The following PPIE variants were observed in gnomAD, a reference collection of about 807,000 sequenced individuals.
PPIE encodes the protein peptidyl-prolyl cis-trans isomerase E.
Under a neutral mutation model 38.4 loss-of-function variants are expected in PPIE, and 20 were observed. That is an observed-to-expected ratio of 0.52 (90% CI 0.37 to 0.76). The LOEUF (loss-of-function observed/expected upper bound fraction) is 0.76. PPIE is among the 30% of genes least tolerant of loss of function. PPIE has a pLI of 0.00. For missense variants in PPIE, 322 were observed against 385.8 expected (o/e 0.83, Z 1.39); for synonymous variants, 142 against 135.7 (o/e 1.05, Z -0.32).
rs1017068985 is a variant in PPIE at position 39,756,455 on chromosome 1, G to C, written c.*3100G>C. 2.0e-6 allele frequency: 2 copies of C among 985,338 alleles called. No homozygotes were observed. Among genetic ancestry groups the C allele is most frequent in the African/African-American group, 1.7e-5 (1 of 57,254 alleles). The allele number at this position is 985,338 out of a possible 1,614,324, so 61.0% of individuals were successfully genotyped here. On this transcript the variant is annotated 3_prime_UTR_variant, in exon 10 of 10. Transcript: ENST00000324379. ...GCTGAAACCAGGGATGGCAGGCCCA[G>C]GATCAGTGCTGTGGCTGTTGGAGTG...
chr1:39,744,906 G>C (rs1238645128), intron 6 of PPIE, among the ~76,000 whole-genome samples: 1 of 152,162 alleles, frequency 6.6e-6, no homozygotes, highest in Non-Finnish European at 1.5e-5. Flanking sequence ...TGAGCAAGAG[G>C]GCTGCCCCCT....
At chr1:39,757,067 A>G (rs1013012863), downstream of PPIE, 3 of 152,246 alleles carry the variant, frequency 2.0e-5, no homozygotes, top group African/African-American at 7.2e-5. Context: ...CGCTGCCACA[A>G]GTGACACTTG....
chr1:39,748,873 C>T, intron 7 of PPIE, 30 bp from the exon 8 acceptor site: 1 of 1,597,012 alleles, frequency 6.3e-7, no homozygotes, highest in Non-Finnish European at 8.5e-7. Flanking sequence ...TATTTTTTAA[C>T]CCCAGCGCTT....
At chr1:39,753,095 G>A in intron 9 of PPIE, 43 bp downstream of exon 9, 4 of 1,612,312 alleles carry the variant, frequency 2.5e-6, no homozygotes, top group Non-Finnish European at 3.4e-6. Flanking sequence ...CAGGCCCTAG[G>A]AGCACAGCCC....
downstream of PPIE, among the ~76,000 whole-genome samples, chr1:39,760,867 G>T (rs556881212): frequency 9.2e-5 from 14 of 152,266 alleles, no homozygotes; most frequent in South Asian, 2.7e-3. Flanking sequence ...TCCTCCTGGG[G>T]ATAATGGGAA....
At position 39,756,127 on chromosome 1, in the gene PPIE, C is replaced by G. The variant is rs984283366; in HGVS notation, c.*2772C>G. The G allele has an allele frequency of 3.0e-6, 3 of 985,338 alleles. No homozygotes were observed. In the African/African-American group the frequency reaches 5.2e-5, roughly 17 times the overall value. The allele number at this position is 985,338 out of a possible 1,614,324, so 61.0% of individuals were successfully genotyped here. Reference sequence around the variant, plus strand: ...AGTGGCATGCCCCACAGCCTGGCCACCTGCTTCGGCTACGCACCATGCAGC... The same window carrying G: ...AGTGGCATGCCCCACAGCCTGGCCAGCTGCTTCGGCTACGCACCATGCAGC... On this transcript the variant is annotated 3_prime_UTR_variant, in exon 10 of 10. Coordinates refer to ENST00000324379, the MANE Select transcript of PPIE (RefSeq NM_006112.4).
rs371868596 is a variant in PPIE, at chr1:39,754,166, C to T, written c.*811C>T. The T allele has an allele frequency of 1.4e-5, 11 of 785,906 alleles. No individual in the cohort carries two copies. The highest frequency in any genetic ancestry group is 1.5e-5 in the Non-Finnish European group (10 of 648,128). 48.7% of individuals were successfully genotyped at this position (785,906 alleles called of 1,614,324 possible). ...ATCAGGTTTTATTGGAACACAGCCA[C>T]GTCCATTTATTTACATATTGTCCAT... On this transcript the variant is annotated 3_prime_UTR_variant, in exon 10 of 10. Transcript: ENST00000324379.
At chr1:39,742,099 T>G in intron 4 of PPIE, 178 bp downstream of exon 4, 1 of 618,268 alleles carries the variant, frequency 1.6e-6, no homozygotes, top group South Asian at 2.1e-5. Flanking sequence ...TTACTCAGAC[T>G]CCTTCGCCAT....
Position 39,763,405 on chromosome 1 carries a change from C to T in PPIE, c.838-284C>T, listed in dbSNP as rs1161330430. Among the ~76,000 whole-genome samples, 2 of 144,690 alleles carry T rather than the reference C, an allele frequency of 1.4e-5. 1 individual carries two copies. The highest frequency in any genetic ancestry group is 5.2e-5 in the African/African-American group (2 of 38,722). The allele number at this position is 144,690 out of a possible 152,430, so 94.9% of individuals were successfully genotyped here. A position where few individuals can be genotyped will look rare whatever the true frequency, so the allele number is the denominator to read the frequency against. ...TTGCGTCCCCTCCCCAGCCGGCCCT[C>T]CCCTGCCCACGCCTCCCAGAGCTGC... On this transcript the variant is annotated intron_variant, in intron 9 of 9. Coordinates refer to the PPIE transcript ENST00000356511.
intron 1 of PPIE, 39 bp downstream of exon 1, chr1:39,738,970 G>A (rs1441876883): frequency 2.8e-6 from 4 of 1,429,396 alleles, no homozygotes; most frequent in Non-Finnish European, 3.7e-6. Flanking sequence ...CTGAGTGAAC[G>A]CGACCCCCAA....
At position 39,763,525 on chromosome 1, in the gene PPIE, A is replaced by C. The variant is rs542317030; in HGVS notation, c.838-164A>C. 5.5e-5 allele frequency among the ~76,000 whole-genome samples: 8 copies of C among 146,762 alleles called. 1 individual carries two copies. The highest frequency in any genetic ancestry group is 4.7e-4 in the Admixed American group (7 of 14,972). ...TCTTCATTTTCATGGTTTTAAAAAA[A>C]ACAAAAAACTGAACAAAAAAAAAAC... On this transcript the variant is annotated intron_variant, in intron 9 of 9. Coordinates refer to the PPIE transcript ENST00000356511.
chr1:39,746,494 CTA>C (rs1647209054), intron 7 of PPIE: 1 of 152,252 alleles, frequency 6.6e-6, no homozygotes, highest in South Asian at 2.1e-4. Flanking sequence ...TCAGCCCTCA[CTA>C]TGCGTAGGAT....
chr1:39,740,132 C>A (rs772489126), intron 1 of PPIE, 33 bp from the exon 2 acceptor site: 5 of 1,505,354 alleles, frequency 3.3e-6, no homozygotes, highest in Non-Finnish European at 3.7e-6. Context: ...GTATGGAGAT[C>A]AGTGGCTCAG....
At chr1:39,741,270 T>G in intron 2 of PPIE, 96 bp from the exon 3 acceptor site, 1 of 1,035,964 alleles carries the variant, frequency 9.7e-7, no homozygotes, top group Non-Finnish European at 1.5e-6. Context: ...TTCTGGTGTT[T>G]GGATACGACA....
At chr1:39,739,116 AG>A (rs1198040007) in intron 1 of PPIE, 185 bp downstream of exon 1, 10 of 551,816 alleles carry the variant, frequency 1.8e-5, no homozygotes, top group Non-Finnish European at 2.5e-5. Context: ...CACTGTCCTC[AG>A]GAAAAAGTGC....
In PPIE at chr1:39,756,565, G is replaced by A. The variant is rs189035097; in HGVS notation, c.*3210G>A. On this transcript the variant is annotated 3_prime_UTR_variant, in exon 10 of 10. Transcript: ENST00000324379. ...CAGCCTCACGGCAACCTCTGAAGAAGGAATTATAGAACCAACTTTTTATTG... is the reference window on the plus strand; with the variant it reads ...CAGCCTCACGGCAACCTCTGAAGAAAGAATTATAGAACCAACTTTTTATTG... 165 of 985,408 alleles carry A rather than the reference G, an allele frequency of 1.7e-4. 1 individual carries two copies. In the African/African-American group the frequency reaches 2.7e-3, roughly 16 times the overall value. 61.0% of individuals were successfully genotyped at this position (985,408 alleles called of 1,614,324 possible).
downstream of PPIE, among the ~76,000 whole-genome samples, chr1:39,760,802 C>T (rs1293696584): frequency 6.6e-6 from 1 of 152,174 alleles, no homozygotes; most frequent in Non-Finnish European, 1.5e-5. Context: ...GGGTGTGCAG[C>T]AGGTGGGCAA....
chr1:39,746,000 C>T (rs1228331546), intron 7 of PPIE: 1 of 152,906 alleles, frequency 6.5e-6, no homozygotes, highest in African/African-American at 2.4e-5. Flanking sequence ...GTCCCTGTGC[C>T]CTGCTGCCAA....
chr1:39,758,245 G>C (rs996020576), downstream of PPIE: 2 of 152,206 alleles, frequency 1.3e-5, no homozygotes, highest in African/African-American at 4.8e-5. Flanking sequence ...ATTTCATTTT[G>C]TTGAGACAAC....
Sources: allele counts gnomAD v4.1 joint callset (sites outside exome capture counted in the v4.1 genomes callset), GRCh38; gene constraint gnomAD v4.1.1; transcripts MANE v1.5; gene names NCBI Gene and HGNC (gene_info 2026-07-23, HGNC 2026-07-21).